The following SESN1 variants were observed in gnomAD, a reference collection of about 807,000 sequenced individuals.
SESN1 encodes sestrin-1.
SESN1 carries 30 observed loss-of-function variants against 59.3 expected under a neutral mutation model. The ratio of observed to expected loss-of-function variants is 0.51; its 90% CI spans 0.38 to 0.69. The LOEUF (loss-of-function observed/expected upper bound fraction) is 0.69, where lower values mean the gene tolerates loss of function less well. Ranked by LOEUF, SESN1 falls within the 30% of genes least tolerant of loss-of-function variation. The pLI is 0.00. For missense variants in SESN1, 566 were observed against 673.0 expected, an observed-to-expected ratio of 0.84 and a Z score of 1.76; for synonymous variants, 197 against 219.9, an observed-to-expected ratio of 0.90 and a Z score of 0.92.
intron 8 of SESN1, among the ~76,000 whole-genome samples, chr6:108,990,057 A>AT (rs1251527397): frequency 6.6e-6 from 1 of 152,210 alleles, no homozygotes; most frequent in Non-Finnish European, 1.5e-5. Context: ...AGAAAGCCTG[A>AT]TTTTACAGCA....
chr6:109,082,138 C>T (rs1781131977), intron 1 of SESN1, among the ~76,000 whole-genome samples: 1 of 152,122 alleles, frequency 6.6e-6, no homozygotes, highest in Non-Finnish European at 1.5e-5. Flanking sequence ...AAATCCAGTT[C>T]CCAGAGAGCT....
chr6:109,004,506 G>A (rs953743053), intron 1 of SESN1, among the ~76,000 whole-genome samples: 2 of 150,532 alleles, frequency 1.3e-5, no homozygotes, highest in Non-Finnish European at 3.0e-5. Context: ...GCATGATCTC[G>A]GCTCACTGCA....
intron 1 of SESN1, among the ~76,000 whole-genome samples, chr6:109,062,974 A>T (rs1780754303): frequency 6.6e-6 from 1 of 152,222 alleles, no homozygotes; most frequent in Non-Finnish European, 1.5e-5. Flanking sequence ...CTGCTGTATG[A>T]AGGTAAATAT....
At chr6:109,005,682 T>G (rs1210016437) in intron 1 of SESN1, among the ~76,000 whole-genome samples, 1 of 152,190 alleles carries the variant, frequency 6.6e-6, no homozygotes, top group Non-Finnish European at 1.5e-5. Flanking sequence ...CCAAATTTAG[T>G]GGGCATATTA....
At chr6:109,073,049 T>C (rs1379890293) in intron 1 of SESN1, among the ~76,000 whole-genome samples, 1 of 152,182 alleles carries the variant, frequency 6.6e-6, no homozygotes, top group Non-Finnish European at 1.5e-5. Flanking sequence ...CAGTATAGTA[T>C]TGAAATTAAC....
At chr6:109,044,750 G>C (rs377744045) in intron 1 of SESN1, among the ~76,000 whole-genome samples, 2 of 152,044 alleles carry the variant, frequency 1.3e-5, no homozygotes, top group South Asian at 4.2e-4. Flanking sequence ...TCAGCCGGGC[G>C]CAGTGGCTCA....
rs1779177605 is a variant in SESN1, at chr6:108,986,072, C to G, written c.*1472G>C. The stretch of plus-strand genomic sequence containing the variant: ...AATAAATGTTTTGAGGAGTAACTAA[C>G]AGAGTTATCATCACAACAGCTTCAG... On this transcript the variant is annotated 3_prime_UTR_variant, in exon 10 of 10. Transcript: ENST00000436639. Among the ~76,000 whole-genome samples the G allele has an allele frequency of 6.7e-6, 1 of 149,884 alleles. No homozygotes were observed. Among genetic ancestry groups the G allele is most frequent in the Non-Finnish European group, 1.5e-5 (1 of 66,916 alleles).
At chr6:109,054,142 T>C (rs1780591112) in intron 1 of SESN1, among the ~76,000 whole-genome samples, 1 of 152,156 alleles carries the variant, frequency 6.6e-6, no homozygotes, top group Non-Finnish European at 1.5e-5. Flanking sequence ...ATTGTCAATT[T>C]AATTTTCTGC....
At chr6:109,030,258 T>G (rs186787057) in intron 1 of SESN1, among the ~76,000 whole-genome samples, 1 of 152,288 alleles carries the variant, frequency 6.6e-6, no homozygotes, top group Non-Finnish European at 1.5e-5. Flanking sequence ...TAAGGAGAGA[T>G]ATGACAATCA....
At chr6:109,036,611 T>C (rs1016872719) in intron 1 of SESN1, among the ~76,000 whole-genome samples, 8 of 152,214 alleles carry the variant, frequency 5.3e-5, no homozygotes, top group African/African-American at 2.4e-5. Context: ...TACACTATAA[T>C]ATGATATGAT....
intron 1 of SESN1, among the ~76,000 whole-genome samples, chr6:109,030,150 A>G (rs1254946784): frequency 6.6e-6 from 1 of 152,186 alleles, no homozygotes. Flanking sequence ...GTCCTGTGTT[A>G]GCATAAGCAA....
chr6:109,092,323 C>T (rs1329569534), intron 1 of SESN1, among the ~76,000 whole-genome samples: 1 of 152,150 alleles, frequency 6.6e-6, no homozygotes, highest in African/African-American at 2.4e-5. Flanking sequence ...CAGGCAAGGA[C>T]ATTAGTAAAG....
Position 108,987,600 on chromosome 6 carries a change from T to G in SESN1, c.1600A>C (p.Arg534=). Residue 534 remains arginine, a synonymous_variant, in exon 10 of 10, where the codon AGG becomes CGG. Coordinates refer to ENST00000436639, the MANE Select transcript of SESN1 (RefSeq NM_014454.3). ...GCATAAAGGAGTTCTGCTTGCATCC[T>G]AGCTTCTATAAGAAGCAGATTAACA... ...VHVNLLLIEA[R]MQAELLYALR... 2 of 1,602,612 alleles carry G rather than the reference T, an allele frequency of 1.2e-6. No homozygotes were observed. Among genetic ancestry groups the G allele is most frequent in the Non-Finnish European group, 1.7e-6 (2 of 1,170,414 alleles).
chr6:109,070,114 C>T (rs1780905780), intron 1 of SESN1, among the ~76,000 whole-genome samples: 1 of 152,036 alleles, frequency 6.6e-6, no homozygotes, highest in Non-Finnish European at 1.5e-5. Flanking sequence ...GTAACAGATT[C>T]ACATTGAACA....
chr6:109,059,405 A>G (rs1334749427), intron 1 of SESN1: 2 of 152,226 alleles, frequency 1.3e-5, no homozygotes, highest in Non-Finnish European at 2.9e-5. Flanking sequence ...ATGGATTGCT[A>G]AAGCCTGGAA....
intron 1 of SESN1, among the ~76,000 whole-genome samples, chr6:109,033,902 C>T (rs563514746): frequency 6.6e-6 from 1 of 152,150 alleles, no homozygotes; most frequent in Admixed American, 6.5e-5. Context: ...CTTAAGCATT[C>T]GTAAAGAAGC....
chr6:109,025,383 T>A (rs192871645), intron 1 of SESN1, among the ~76,000 whole-genome samples: 1 of 151,684 alleles, frequency 6.6e-6, no homozygotes, highest in Non-Finnish European at 1.5e-5. Context: ...TAGAAATAAA[T>A]AGAGATTTTC....
At chr6:109,012,583 A>G (rs1253496639) in intron 1 of SESN1, among the ~76,000 whole-genome samples, 1 of 152,194 alleles carries the variant, frequency 6.6e-6, no homozygotes, top group Non-Finnish European at 1.5e-5. Context: ...GTGGTTCAAG[A>G]TAGGCTTCCT....
chr6:109,038,177 G>T (rs1053053019), intron 1 of SESN1, among the ~76,000 whole-genome samples: 4 of 152,198 alleles, frequency 2.6e-5, no homozygotes, highest in Admixed American at 6.5e-5. Context: ...TCACTGGCTT[G>T]TATTTAGGGG....
Sources: gnomAD v4.1 joint callset for allele counts (sites outside exome capture counted in the v4.1 genomes callset) on GRCh38, gnomAD v4.1.1 for gene constraint, MANE v1.5 for transcripts, NCBI Gene and HGNC (gene_info 2026-07-23, HGNC 2026-07-21) for gene names.